Variants in OR2L13 observed in about 807,000 individuals in gnomAD.
OR2L13 encodes olfactory receptor family 2 subfamily L member 13, also known as olfactory receptor 2L13.
In OR2L13, 14 loss-of-function variants were observed where a neutral mutation model predicts 15.3. That is an observed-to-expected ratio of 0.91 (90% CI 0.60 to 1.43). The LOEUF (loss-of-function observed/expected upper bound fraction) is 1.43. Among genes scored for constraint, OR2L13 ranks in the 40% most tolerant of loss-of-function variants. The pLI, the probability that OR2L13 is intolerant of heterozygous loss-of-function variation, is 0.00. For synonymous variants in OR2L13, 152 were observed against 142.9 expected (o/e 1.06, Z -0.45); for missense variants, 367 against 387.9 (o/e 0.95, Z 0.45).
chr1:247,946,454 T>A, the OR2L13 span, among the ~76,000 whole-genome samples: 1 of 152,192 alleles, frequency 6.6e-6, no homozygotes, highest in African/African-American at 2.4e-5. Flanking sequence ...AGCTGCAGGT[T>A]AAATTCTTAA....
the OR2L13 span, among the ~76,000 whole-genome samples, chr1:247,976,587 A>G: frequency 6.6e-6 from 1 of 152,186 alleles, no homozygotes; most frequent in African/African-American, 2.4e-5. Flanking sequence ...GATGTCAAAC[A>G]TCATGTTGTA....
At chr1:248,056,220 G>A in the OR2L13 span, among the ~76,000 whole-genome samples, 1 of 151,900 alleles carries the variant, frequency 6.6e-6, no homozygotes, top group Middle Eastern at 3.4e-3. Flanking sequence ...TGTGTACAAC[G>A]TGCAGGTTAG....
At chr1:248,017,560 C>G in the OR2L13 span, among the ~76,000 whole-genome samples, 1 of 152,210 alleles carries the variant, frequency 6.6e-6, no homozygotes, top group Non-Finnish European at 1.5e-5. Flanking sequence ...GGAAGCAGGA[C>G]AGGCTTCTGC....
At chr1:247,957,175 G>T in the OR2L13 span, among the ~76,000 whole-genome samples, 3 of 151,978 alleles carry the variant, frequency 2.0e-5, no homozygotes. Flanking sequence ...TTTTGTCGAA[G>T]GCCTTTTCTG....
chr1:247,949,294 G>T, the OR2L13 span: 2 of 1,614,094 alleles, frequency 1.2e-6, no homozygotes, highest in Non-Finnish European at 1.7e-6. Context: ...ATGATAACAG[G>T]GTCTTGGATC....
At chr1:248,010,460 G>A in the OR2L13 span, among the ~76,000 whole-genome samples, 2 of 152,110 alleles carry the variant, frequency 1.3e-5, no homozygotes, top group African/African-American at 4.8e-5. Flanking sequence ...GCAGAGCTGA[G>A]CTCTAGTCCT....
chr1:248,084,445 C>T, the OR2L13 span: 82,639 of 1,190,594 alleles, frequency 0.069, 3,036 homozygotes, highest in East Asian at 0.3. Flanking sequence ...TGGAGCCGGC[C>T]GGTCCCGGTG....
the OR2L13 span, chr1:248,003,483 C>A: frequency 6.2e-7 from 1 of 1,609,620 alleles, no homozygotes; most frequent in East Asian, 2.2e-5. Context: ...ATATCAATGG[C>A]CTATGTTCGT....
chr1:248,052,845 G>C, the OR2L13 span, among the ~76,000 whole-genome samples: 1 of 151,540 alleles, frequency 6.6e-6, no homozygotes, highest in African/African-American at 2.4e-5. Context: ...TTTAGAATGG[G>C]CTTTTCTGTT....
chr1:248,066,269 C>T, the OR2L13 span, among the ~76,000 whole-genome samples: 3 of 152,144 alleles, frequency 2.0e-5, no homozygotes, highest in Admixed American at 6.5e-5. Context: ...ATGCTTTTCC[C>T]TCGTTAATCT....
the OR2L13 span, among the ~76,000 whole-genome samples, chr1:247,987,310 A>G: frequency 6.6e-6 from 1 of 152,208 alleles, no homozygotes. Flanking sequence ...GTTATGTCAT[A>G]TGCAAATAGA....
chr1:248,017,740 A>C, the OR2L13 span, among the ~76,000 whole-genome samples: 1 of 152,230 alleles, frequency 6.6e-6, no homozygotes. Context: ...TGGGTTGTAA[A>C]TTGAGACAGT....
the OR2L13 span, among the ~76,000 whole-genome samples, chr1:248,067,824 C>T: frequency 5.6e-4 from 85 of 152,336 alleles, no homozygotes; most frequent in African/African-American, 2.0e-3. Context: ...GCTTAAAAAA[C>T]GGCGCGCCAG....
chr1:248,048,803 C>G, the OR2L13 span, among the ~76,000 whole-genome samples: 5 of 152,004 alleles, frequency 3.3e-5, no homozygotes, highest in South Asian at 1.0e-3. Context: ...TGGAAAACTC[C>G]ATAAAGAATG....
chr1:248,099,717 G>A, exon 3 of OR2L13: 1 of 1,614,000 alleles, frequency 6.2e-7, no homozygotes, highest in Non-Finnish European at 8.5e-7. Context: ...GCTTACTCCT[G>A]ACCTCCATGG....
chr1:248,078,710 T>C, the OR2L13 span, among the ~76,000 whole-genome samples: 1 of 152,092 alleles, frequency 6.6e-6, no homozygotes, highest in African/African-American at 2.4e-5. Flanking sequence ...GCAAAATCTG[T>C]AAACAACACA....
chr1:248,018,139 A>G, the OR2L13 span, among the ~76,000 whole-genome samples: 5,766 of 148,884 alleles, frequency 0.039, 362 homozygotes, highest in African/African-American at 0.14. Context: ...TAGGCGACAG[A>G]GCGACTCCAT....
chr1:248,073,702 T>A, the OR2L13 span, among the ~76,000 whole-genome samples: 3 of 150,628 alleles, frequency 2.0e-5, no homozygotes, highest in Non-Finnish European at 4.5e-5. Context: ...AGCTTGCTAG[T>A]GGGTACAAAT....
At chr1:247,949,511 C>T in the OR2L13 span, 1 of 1,613,906 alleles carries the variant, frequency 6.2e-7, no homozygotes, top group Admixed American at 1.7e-5. Context: ...GTTCCTATGG[C>T]CAGGTTCTCT....
Sources: allele counts gnomAD v4.1 joint callset (sites outside exome capture counted in the v4.1 genomes callset), GRCh38; gene constraint gnomAD v4.1.1; transcripts MANE v1.5; gene names NCBI Gene and HGNC (gene_info 2026-07-23, HGNC 2026-07-21).